Variants in NPNT observed in about 807,000 individuals in gnomAD.
NPNT encodes nephronectin.
NPNT carries 45 observed loss-of-function variants against 68.6 expected under a neutral mutation model. The ratio of observed to expected loss-of-function variants is 0.66; its 90% CI spans 0.52 to 0.84. NPNT has a LOEUF of 0.84. NPNT is among the 40% of genes least tolerant of loss of function. The pLI, the probability that NPNT is intolerant of heterozygous loss-of-function variation, is 0.00. For synonymous variants in NPNT, 233 were observed against 253.3 expected (o/e 0.92, Z 0.76); for missense variants, 672 against 714.8 (o/e 0.94, Z 0.68).
chr4:105,906,521 G>T lies in NPNT; in HGVS notation c.172+8520G>T, dbSNP rs542790611. 3.3e-4 allele frequency among the ~76,000 whole-genome samples: 51 copies of T among 152,336 alleles called. 1 individual carries two copies. In the South Asian group the frequency reaches 0.01, roughly 31 times the overall value. On this transcript the variant is annotated intron_variant, in intron 2 of 11. Coordinates refer to ENST00000379987, the MANE Select transcript of NPNT (RefSeq NM_001033047.3). ...CTGACGTTCAGCTAGATACAGCCCA[G>T]AATATCTAGCTGTGATGGATGAACT...
At chr4:105,943,680 G>A (rs1000224290) in intron 8 of NPNT, among the ~76,000 whole-genome samples, 6 of 152,058 alleles carry the variant, frequency 3.9e-5, no homozygotes, top group East Asian at 1.9e-4. Context: ...GTGTCACTTC[G>A]CTTATTCTTA....
At chr4:105,963,692 A>G (rs903020186) in intron 10 of NPNT, among the ~76,000 whole-genome samples, 1 of 151,386 alleles carries the variant, frequency 6.6e-6, no homozygotes, top group Non-Finnish European at 1.5e-5. Context: ...AACAAGGATT[A>G]AGGGCAACTG....
chr4:105,940,509 T>C lies in NPNT; in HGVS notation c.641-5T>C, dbSNP rs1446073486. 1 of 1,611,362 alleles carries C rather than the reference T, an allele frequency of 6.2e-7. No individual in the cohort carries two copies. Among genetic ancestry groups the C allele is most frequent in the Non-Finnish European group, 8.5e-7 (1 of 1,178,412 alleles). On this transcript the variant is annotated splice_polypyrimidine_tract_variant and splice_region_variant and intron_variant, in intron 6 of 11. Transcript: ENST00000379987. ...AGTCTCTTCTTTTCCTACTTTCTGA[T>C]GCAGACATAGACGAATGCTCACTTG... is the stretch of plus-strand genomic sequence containing the variant.
intron 3 of NPNT, 148 bp downstream of exon 3, chr4:105,927,576 G>T: frequency 2.4e-6 from 1 of 411,298 alleles, no homozygotes; most frequent in Non-Finnish European, 4.4e-6. Context: ...ATATATTAAT[G>T]ATAAATATTG....
intron 3 of NPNT, among the ~76,000 whole-genome samples, chr4:105,934,004 G>T (rs1050092336): frequency 2.0e-5 from 3 of 151,894 alleles, no homozygotes; most frequent in African/African-American, 7.2e-5. Context: ...CTATTTTATA[G>T]ATTTTCCTTA....
chr4:105,912,487 TA>T (rs1363663921), intron 2 of NPNT: 2 of 470,458 alleles, frequency 4.3e-6, no homozygotes, highest in Non-Finnish European at 6.4e-6. Context: ...TTTATGAATC[TA>T]ATAAATTGAC....
chr4:105,926,563 GC>G (rs1293940714), intron 2 of NPNT, among the ~76,000 whole-genome samples: 1 of 152,038 alleles, frequency 6.6e-6, no homozygotes, highest in African/African-American at 2.4e-5. Flanking sequence ...GGTAAAAAGT[GC>G]CCCCCAGTTG....
At chr4:105,908,358 C>T (rs572893875) in intron 2 of NPNT, among the ~76,000 whole-genome samples, 15 of 152,050 alleles carry the variant, frequency 9.9e-5, no homozygotes, top group Non-Finnish European at 1.6e-4. Context: ...AATATAAATT[C>T]TCCAGAGCTG....
intron 2 of NPNT, among the ~76,000 whole-genome samples, chr4:105,905,693 T>G (rs946115425): frequency 1.1e-4 from 17 of 152,236 alleles, no homozygotes; most frequent in Non-Finnish European, 2.2e-4. Flanking sequence ...TTTCAATATT[T>G]TGTTTTTACA....
At chr4:105,928,784 T>A (rs1256297399) in intron 3 of NPNT, among the ~76,000 whole-genome samples, 2 of 7,224 alleles carry the variant, frequency 2.8e-4, no homozygotes, top group Non-Finnish European at 3.2e-3. Context: ...GAAATAATCA[T>A]ATGGTGTCTA....
chr4:105,948,542 A>G (rs1730562189), intron 8 of NPNT, among the ~76,000 whole-genome samples: 1 of 152,206 alleles, frequency 6.6e-6, no homozygotes. Context: ...ATGAAATGTA[A>G]AAGATTAATG....
At chr4:105,935,475 CTCAG>C (rs1729425048) in intron 3 of NPNT, among the ~76,000 whole-genome samples, 1 of 152,148 alleles carries the variant, frequency 6.6e-6, no homozygotes, top group South Asian at 2.1e-4. Context: ...TAGAAAATTT[CTCAG>C]TCATTCTTCC....
intron 8 of NPNT, among the ~76,000 whole-genome samples, chr4:105,946,394 T>C (rs1019760910): frequency 1.3e-5 from 2 of 152,200 alleles, no homozygotes; most frequent in African/African-American, 4.8e-5. Context: ...CTCCCAATTA[T>C]ATCCAGCATC....
chr4:105,932,130 T>A (rs1553980270), intron 3 of NPNT, among the ~76,000 whole-genome samples: 1 of 152,198 alleles, frequency 6.6e-6, no homozygotes, highest in Non-Finnish European at 1.5e-5. Flanking sequence ...TTTATGTAAA[T>A]CATACATTTG....
chr4:105,900,903 G>A (rs1334789310), intron 2 of NPNT, among the ~76,000 whole-genome samples: 1 of 102,002 alleles, frequency 9.8e-6, no homozygotes, highest in Non-Finnish European at 1.9e-5. Context: ...CTAGCATATT[G>A]AAAATTCAAC....
At position 105,948,840 on chromosome 4, in the gene NPNT, C is replaced by G. The variant is rs374563242; in HGVS notation, c.1159+6138C>G. ...CTCCAACTCCTGAGCTCAAGGAATC[C>G]TCCCACCTTGGCCTCCCCAAGTGCT... On this transcript the variant is annotated intron_variant, in intron 8 of 11. Coordinates refer to ENST00000379987, the MANE Select transcript of NPNT (RefSeq NM_001033047.3). Among the ~76,000 whole-genome samples, 46 of 152,070 alleles carry G rather than the reference C, an allele frequency of 3.0e-4. 1 individual carries two copies. The highest frequency in any genetic ancestry group is 1.1e-3 in the African/African-American group (45 of 41,380).
At chr4:105,921,639 G>T (rs1183072186) in intron 2 of NPNT, among the ~76,000 whole-genome samples, 1 of 152,102 alleles carries the variant, frequency 6.6e-6, no homozygotes, top group East Asian at 1.9e-4. Context: ...TGGAGATCTT[G>T]GACAGTAGGA....
At chr4:105,901,006 C>G (rs1349093898) in intron 2 of NPNT, among the ~76,000 whole-genome samples, 4 of 152,150 alleles carry the variant, frequency 2.6e-5, no homozygotes, top group African/African-American at 9.7e-5. Context: ...TGTTCACACA[C>G]TGATGATTGC....
In NPNT at chr4:105,942,293, T is replaced by C; in HGVS notation, c.764-14T>C. ...GAATGGTTACATACTGATTTAAGTC[T>C]TTGACTCTTTCAGATATCCCAAAAG... On this transcript the variant is annotated splice_polypyrimidine_tract_variant and intron_variant, in intron 7 of 11. Coordinates refer to ENST00000379987, the MANE Select transcript of NPNT (RefSeq NM_001033047.3). The C allele has an allele frequency of 6.4e-7, 1 of 1,572,114 alleles. No individual in the cohort carries two copies. Among genetic ancestry groups the C allele is most frequent in the Non-Finnish European group, 8.7e-7 (1 of 1,154,824 alleles).
Sources: gnomAD v4.1 joint callset for allele counts (sites outside exome capture counted in the v4.1 genomes callset) on GRCh38, gnomAD v4.1.1 for gene constraint, MANE v1.5 for transcripts, NCBI Gene and HGNC (gene_info 2026-07-23, HGNC 2026-07-21) for gene names.